Variants in OLA1 observed in about 807,000 individuals in gnomAD.
OLA1 encodes the protein obg-like ATPase 1.
A neutral mutation model predicts 48.4 loss-of-function variants in OLA1; 14 were observed. That is an observed-to-expected ratio of 0.29 (90% confidence interval 0.19 to 0.45). The LOEUF (loss-of-function observed/expected upper bound fraction) is 0.45, where lower values mean the gene tolerates loss of function less well. OLA1 is among the 20% of genes least tolerant of loss of function. The pLI is 1.00. For synonymous variants in OLA1, 127 were observed against 150.4 expected (o/e 0.84, Z 1.14); for missense variants, 325 against 467.1 (o/e 0.70, Z 2.80).
At chr2:174,156,237 C>CT (rs1357652837) in intron 4 of OLA1, among the ~76,000 whole-genome samples, 1 of 152,096 alleles carries the variant, frequency 6.6e-6, no homozygotes, top group Non-Finnish European at 1.5e-5. Context: ...AAGGGCTGAC[C>CT]TGTGCATTGT....
chr2:174,248,188 A>C, intron 1 of OLA1: 1 of 160,916 alleles, frequency 6.2e-6, no homozygotes, highest in Admixed American at 6.1e-5. Flanking sequence ...CCCACCCCCC[A>C]TCCTCCTCTC....
At chr2:174,123,114 G>A in intron 7 of OLA1, 66 bp downstream of exon 7, 1 of 725,336 alleles carries the variant, frequency 1.4e-6, no homozygotes, top group Non-Finnish European at 2.4e-6. Flanking sequence ...GTACATATAT[G>A]TGGGTGTGTG....
chr2:174,152,148 T>G (rs1375727280), intron 4 of OLA1, among the ~76,000 whole-genome samples: 4 of 152,230 alleles, frequency 2.6e-5, no homozygotes. Flanking sequence ...GGCTCACGCC[T>G]GTAATCCCAG....
chr2:174,160,780 T>C (rs1686991424), intron 4 of OLA1, among the ~76,000 whole-genome samples: 2 of 152,130 alleles, frequency 1.3e-5, no homozygotes, highest in Non-Finnish European at 2.9e-5. Context: ...TTCTTATGCA[T>C]AGAACATAGC....
intron 5 of OLA1, among the ~76,000 whole-genome samples, chr2:174,130,387 C>T (rs917361982): frequency 6.6e-6 from 1 of 152,200 alleles, no homozygotes; most frequent in African/African-American, 2.4e-5. Flanking sequence ...AGAATTAACA[C>T]AATAGGCTAA....
intron 2 of OLA1, among the ~76,000 whole-genome samples, chr2:174,245,892 T>A (rs1330730721): frequency 6.6e-6 from 1 of 151,466 alleles, no homozygotes; most frequent in Non-Finnish European, 1.5e-5. Flanking sequence ...AGACTCCATC[T>A]CAAAAAAAAA....
intron 5 of OLA1, among the ~76,000 whole-genome samples, chr2:174,127,250 C>A (rs1686065618): frequency 6.6e-6 from 1 of 152,186 alleles, no homozygotes; most frequent in Non-Finnish European, 1.5e-5. Context: ...TTCATGTTCT[C>A]TTCCATACCC....
At chr2:174,234,430 C>G (rs1042388825) in intron 2 of OLA1, among the ~76,000 whole-genome samples, 1 of 152,052 alleles carries the variant, frequency 6.6e-6, no homozygotes, top group Non-Finnish European at 1.5e-5. Context: ...TCCTAATCCC[C>G]GAGCTGTTCA....
At chr2:174,131,527 T>C (rs1014925030) in intron 5 of OLA1, among the ~76,000 whole-genome samples, 6 of 152,164 alleles carry the variant, frequency 3.9e-5, no homozygotes, top group East Asian at 1.9e-4. Context: ...ACTTCATACA[T>C]ATTGCTAATA....
chr2:174,206,146 C>T lies in OLA1; in HGVS notation c.373+16887G>A, dbSNP rs115911307. Among the ~76,000 whole-genome samples, 357 of 152,274 alleles carry T rather than the reference C, an allele frequency of 2.3e-3. 3 individuals carry two copies. The highest frequency in any genetic ancestry group is 8.1e-3 in the African/African-American group (336 of 41,568). ...TTTCATTCATCCAAGTTACATATAA[C>T]AACAAGTGCCTTCATTTTCAAAACC... On this transcript the variant is annotated intron_variant, in intron 4 of 10. Coordinates refer to ENST00000284719, the MANE Select transcript of OLA1 (RefSeq NM_013341.5).
Position 174,073,580 on chromosome 2 carries a change from AC to A in OLA1, c.*1845del, listed in dbSNP as rs1223710472. The A allele has an allele frequency of 6.6e-6, 1 of 152,198 alleles. No individual in the cohort carries two copies. Among genetic ancestry groups the A allele is most frequent in the African/African-American group, 2.4e-5 (1 of 41,446 alleles). 9.4% of individuals were successfully genotyped at this position (152,198 alleles called of 1,614,324 possible). On this transcript the variant is annotated 3_prime_UTR_variant, in exon 11 of 11. Transcript: ENST00000284719. ...CCCTAATGAATGCAGTTACCTCAAA[AC>A]TAACTCCTTTCTTTTATTAATGGTT...
intron 7 of OLA1, among the ~76,000 whole-genome samples, chr2:174,106,816 TAA>T (rs1022231337): frequency 1.3e-5 from 2 of 152,154 alleles, no homozygotes; most frequent in African/African-American, 4.8e-5. Flanking sequence ...TGTGCTCATC[TAA>T]AAAGAGTCCC....
intron 7 of OLA1, among the ~76,000 whole-genome samples, chr2:174,111,243 G>A (rs1030099350): frequency 2.0e-5 from 3 of 152,138 alleles, no homozygotes; most frequent in African/African-American, 7.2e-5. Context: ...TTTGCTCTCC[G>A]ATAGGTATAA....
intron 4 of OLA1, among the ~76,000 whole-genome samples, chr2:174,159,483 T>TA (rs1361280105): frequency 6.6e-6 from 1 of 152,188 alleles, no homozygotes; most frequent in African/African-American, 2.4e-5. Context: ...TGCAACACCA[T>TA]ACACATGTGT....
intron 7 of OLA1, among the ~76,000 whole-genome samples, chr2:174,095,884 C>A: frequency 6.6e-6 from 1 of 151,938 alleles, no homozygotes; most frequent in East Asian, 1.9e-4. Flanking sequence ...ATAGACAGGT[C>A]TCCCTGGAGA....
Position 174,141,947 on chromosome 2 carries a change from G to T in OLA1, c.427C>A (p.Arg143=). Reference sequence around the variant, plus strand: ...TCTTCATGTATTATTTCTATATCTCGAATAGGATCTACACTTCCTTCAACG... The same window carrying T: ...TCTTCATGTATTATTTCTATATCTCTAATAGGATCTACACTTCCTTCAACG... ...THVEGSVDPI[R]DIEIIHEELQ... Residue 143 remains arginine (R), a synonymous_variant, in exon 5 of 11, where the codon CGA becomes AGA. Transcript: ENST00000284719. 6.4e-7 allele frequency: 1 copy of T among 1,559,496 alleles called. No individual in the cohort carries two copies. The highest frequency in any genetic ancestry group is 8.7e-7 in the Non-Finnish European group (1 of 1,154,620).
intron 2 of OLA1, among the ~76,000 whole-genome samples, chr2:174,232,992 T>C (rs1216762668): frequency 6.6e-6 from 1 of 152,204 alleles, no homozygotes; most frequent in African/African-American, 2.4e-5. Flanking sequence ...GAAAATGTTA[T>C]CTACATATGA....
At position 174,225,924 on chromosome 2, in the gene OLA1, G is replaced by C. The variant is rs1190733758; in HGVS notation, c.246-2764C>G. 1.3e-4 allele frequency among the ~76,000 whole-genome samples: 15 copies of C among 111,598 alleles called. 4 individuals are homozygous for C. The highest frequency in any genetic ancestry group is 4.6e-4 in the African/African-American group (15 of 32,776). 73.2% of individuals were successfully genotyped at this position (111,598 alleles called of 152,430 possible). A position where few individuals can be genotyped will look rare whatever the true frequency, so the allele number is the denominator to read the frequency against. ...AAAATGAGCTTCTCGGCCGGGCGCG[G>C]TGGCTCACGCCTGTAATCCCAGCAC... On this transcript the variant is annotated intron_variant, in intron 3 of 10. Coordinates refer to ENST00000284719, the MANE Select transcript of OLA1 (RefSeq NM_013341.5).
intron 4 of OLA1, among the ~76,000 whole-genome samples, chr2:174,161,833 A>T (rs1476284694): frequency 6.6e-6 from 1 of 152,186 alleles, no homozygotes; most frequent in African/African-American, 2.4e-5. Flanking sequence ...CTGAAGTAAG[A>T]AAAAATTTCT....
Sources: allele counts gnomAD v4.1 joint callset (sites outside exome capture counted in the v4.1 genomes callset), GRCh38; gene constraint gnomAD v4.1.1; transcripts MANE v1.5; gene names NCBI Gene and HGNC (gene_info 2026-07-23, HGNC 2026-07-21).